STAG1: variants seen among roughly 807,000 people sequenced by gnomAD.
The protein encoded by STAG1 is STAG1 cohesin complex component, also known as cohesin subunit SA-1.
Under a neutral mutation model 170.9 loss-of-function variants are expected in STAG1, and 26 were observed. That is an observed-to-expected ratio of 0.15 (90% confidence interval 0.11 to 0.21). The LOEUF (loss-of-function observed/expected upper bound fraction) is 0.21, where lower values mean the gene tolerates loss of function less well. STAG1 is among the 10% of genes least tolerant of loss of function. The pLI is 1.00. For synonymous variants in STAG1, 514 were observed against 497.7 expected, an observed-to-expected ratio of 1.03 and a Z score of -0.44; for missense variants, 964 against 1,509.5, an observed-to-expected ratio of 0.64 and a Z score of 5.99.
intron 1 of STAG1, among the ~76,000 whole-genome samples, chr3:136,741,720 G>A (rs761791152): frequency 6.6e-6 from 1 of 152,026 alleles, no homozygotes; most frequent in Admixed American, 6.6e-5. Context: ...CGCCTGCCTC[G>A]GCCTCCCAAA....
intron 4 of STAG1, among the ~76,000 whole-genome samples, chr3:136,600,041 G>A (rs918268753): frequency 3.9e-5 from 6 of 152,114 alleles, no homozygotes; most frequent in African/African-American, 1.4e-4. Context: ...CCAACCAAAT[G>A]AACAGACATT....
intron 6 of STAG1, among the ~76,000 whole-genome samples, chr3:136,528,945 A>G (rs1342590015): frequency 6.6e-6 from 1 of 151,458 alleles, no homozygotes; most frequent in Non-Finnish European, 1.5e-5. Flanking sequence ...GCAAAAAACA[A>G]AACAAAACAA....
At chr3:136,461,920 C>A (rs1052593665) in intron 13 of STAG1, among the ~76,000 whole-genome samples, 4 of 152,040 alleles carry the variant, frequency 2.6e-5, no homozygotes, top group African/African-American at 9.7e-5. Flanking sequence ...GGAAGACATA[C>A]CAGTGGCCAA....
chr3:136,365,490 T>C (rs1413083357), intron 25 of STAG1, among the ~76,000 whole-genome samples: 1 of 151,972 alleles, frequency 6.6e-6, no homozygotes, highest in Non-Finnish European at 1.5e-5. Flanking sequence ...GGAAAGAAGG[T>C]TATATGGAAA....
intron 3 of STAG1, among the ~76,000 whole-genome samples, chr3:136,610,410 T>C (rs2107815327): frequency 6.6e-6 from 1 of 152,336 alleles, no homozygotes; most frequent in South Asian, 2.1e-4. Flanking sequence ...GTCAGAATTG[T>C]GTGCACTCTA....
chr3:136,498,129 T>C (rs1378839181), intron 9 of STAG1, among the ~76,000 whole-genome samples: 4 of 144,378 alleles, frequency 2.8e-5, no homozygotes, highest in African/African-American at 1.0e-4. Context: ...GAGGCGGAGG[T>C]TGCAGTGAGC....
chr3:136,346,362 A>G (rs79341897), intron 29 of STAG1, among the ~76,000 whole-genome samples: 39 of 152,350 alleles, frequency 2.6e-4, no homozygotes, highest in Admixed American at 2.3e-3. Flanking sequence ...AGATTCCTCA[A>G]TGAAAATATT....
chr3:136,481,048 T>G (rs1480536912), intron 9 of STAG1, among the ~76,000 whole-genome samples: 1 of 93,062 alleles, frequency 1.1e-5, no homozygotes, highest in Admixed American at 1.3e-4. Flanking sequence ...GACTTCCTCT[T>G]TTCCTAATTG....
intron 13 of STAG1, 58 bp downstream of exon 13, chr3:136,464,823 A>G: frequency 1.4e-6 from 2 of 1,441,656 alleles, no homozygotes; most frequent in South Asian, 1.2e-5. Flanking sequence ...ACAAACTCTA[A>G]AACAACAAGA....
At chr3:136,541,327 C>A (rs955340637) in intron 6 of STAG1, among the ~76,000 whole-genome samples, 3 of 151,834 alleles carry the variant, frequency 2.0e-5, no homozygotes, top group African/African-American at 7.3e-5. Flanking sequence ...TAGCCTAATA[C>A]ATAATATAAA....
At chr3:136,587,563 C>CA (rs1348270692) in intron 4 of STAG1, among the ~76,000 whole-genome samples, 1 of 124,560 alleles carries the variant, frequency 8.0e-6, no homozygotes, top group African/African-American at 2.8e-5. Context: ...AAAAAAAAAG[C>CA]AATTTATAGC....
chr3:136,570,351 A>G (rs1937224770), intron 4 of STAG1, among the ~76,000 whole-genome samples: 1 of 152,230 alleles, frequency 6.6e-6, no homozygotes, highest in Non-Finnish European at 1.5e-5. Flanking sequence ...AAGATTCAGC[A>G]GCATTGTTAT....
intron 3 of STAG1, among the ~76,000 whole-genome samples, chr3:136,619,239 A>G (rs1044865028): frequency 3.3e-5 from 5 of 150,950 alleles, no homozygotes; most frequent in Admixed American, 2.0e-4. Flanking sequence ...CTTATTTAAC[A>G]AAATTAAAAC....
intron 22 of STAG1, among the ~76,000 whole-genome samples, chr3:136,387,571 G>T (rs369491971): frequency 6.6e-6 from 1 of 152,184 alleles, no homozygotes; most frequent in African/African-American, 2.4e-5. Context: ...ACACTATGCT[G>T]TATTTCTGAG....
chr3:136,702,427 C>T (rs1943111177), intron 1 of STAG1, among the ~76,000 whole-genome samples: 1 of 152,100 alleles, frequency 6.6e-6, no homozygotes, highest in African/African-American at 2.4e-5. Context: ...TGCTCTGTTA[C>T]CCAGGCTGGA....
chr3:136,525,692 T>C (rs1383916979), intron 6 of STAG1, among the ~76,000 whole-genome samples: 2 of 152,212 alleles, frequency 1.3e-5, no homozygotes, highest in African/African-American at 4.8e-5. Flanking sequence ...GATGTTAGGG[T>C]GTCAATTTTA....
At chr3:136,374,845 G>C (rs1325987091) in intron 23 of STAG1, among the ~76,000 whole-genome samples, 2 of 152,076 alleles carry the variant, frequency 1.3e-5, no homozygotes, top group East Asian at 1.9e-4. Context: ...TAATGTCTTA[G>C]GCCTTCCTAT....
chr3:136,403,259 GAAAAGAAAAAA>G (rs1257776441), intron 21 of STAG1, among the ~76,000 whole-genome samples: 3 of 83,498 alleles, frequency 3.6e-5, no homozygotes, highest in East Asian at 3.2e-4. Flanking sequence ...AAAAAGAAAA[GAAAAGAAAAAA>G]AAAAGAAAAA....
At chr3:136,751,999 C>G (rs1392367567) in intron 1 of STAG1, among the ~76,000 whole-genome samples, 196 bp downstream of exon 1, 1 of 150,898 alleles carries the variant, frequency 6.6e-6, no homozygotes, top group Non-Finnish European at 1.5e-5. Context: ...CGGCCCACGA[C>G]CGCCGCACCC....
Sources: gnomAD v4.1 joint callset for allele counts (sites outside exome capture counted in the v4.1 genomes callset) on GRCh38, gnomAD v4.1.1 for gene constraint, MANE v1.5 for transcripts, NCBI Gene and HGNC (gene_info 2026-07-23, HGNC 2026-07-21) for gene names.